CSMD3: variants seen among roughly 807,000 people sequenced by gnomAD.
The protein encoded by CSMD3 is CUB and sushi domain-containing protein 3.
CSMD3 carries 177 observed loss-of-function variants against 435.2 expected under a neutral mutation model. The ratio of observed to expected loss-of-function variants is 0.41; its 90% CI spans 0.36 to 0.46. The LOEUF (loss-of-function observed/expected upper bound fraction) is 0.46, where lower values mean the gene tolerates loss of function less well. CSMD3 is among the 20% of genes least tolerant of loss of function. The pLI is 0.34. For missense variants in CSMD3, 4,265 were observed against 4,504.6 expected, an observed-to-expected ratio of 0.95 and a Z score of 1.52; for synonymous variants, 1,656 against 1,520.5, an observed-to-expected ratio of 1.09 and a Z score of -2.07.
intron 1 of CSMD3, among the ~76,000 whole-genome samples, chr8:113,409,684 T>A (rs1274157253): frequency 6.6e-6 from 1 of 152,212 alleles, no homozygotes; most frequent in African/African-American, 2.4e-5. Context: ...AGCCTTAATA[T>A]TGACGGCAGT....
At chr8:112,807,758 C>T (rs2079127107) in intron 12 of CSMD3, among the ~76,000 whole-genome samples, 1 of 152,086 alleles carries the variant, frequency 6.6e-6, no homozygotes, top group Non-Finnish European at 1.5e-5. Flanking sequence ...GCTGCAAAAG[C>T]AACTGTTAAA....
intron 1 of CSMD3, among the ~76,000 whole-genome samples, chr8:113,342,082 GAA>G (rs796499556): frequency 7.1e-6 from 1 of 140,968 alleles, no homozygotes; most frequent in African/African-American, 2.6e-5. Flanking sequence ...AGATTAAAAA[GAA>G]AAAAAAAACA....
intron 31 of CSMD3, among the ~76,000 whole-genome samples, chr8:112,489,183 C>G (rs1462455673): frequency 1.3e-5 from 2 of 151,956 alleles, no homozygotes; most frequent in Non-Finnish European, 2.9e-5. Flanking sequence ...TGTGGGAGGC[C>G]AAGGCGGGAG....
chr8:112,766,029 C>G (rs2077970186), intron 13 of CSMD3, among the ~76,000 whole-genome samples: 1 of 151,674 alleles, frequency 6.6e-6, no homozygotes, highest in Non-Finnish European at 1.5e-5. Context: ...TTCCTTTAGC[C>G]TTTCCCTCAC....
intron 50 of CSMD3, among the ~76,000 whole-genome samples, chr8:112,308,194 C>T (rs1349109743): frequency 1.3e-5 from 2 of 151,970 alleles, no homozygotes; most frequent in East Asian, 1.9e-4. Context: ...TAAATGGTTC[C>T]CTGATGTCTG....
intron 9 of CSMD3, among the ~76,000 whole-genome samples, chr8:112,938,532 T>C (rs1402517168): frequency 6.6e-6 from 1 of 152,190 alleles, no homozygotes; most frequent in Non-Finnish European, 1.5e-5. Context: ...CAGAATCTTA[T>C]TTTAGGAAGC....
chr8:113,408,529 C>T (rs1261712595), intron 1 of CSMD3, among the ~76,000 whole-genome samples: 1 of 151,748 alleles, frequency 6.6e-6, no homozygotes, highest in African/African-American at 2.4e-5. Context: ...ATAGTTTTTG[C>T]ATAAGTGAAG....
intron 35 of CSMD3, among the ~76,000 whole-genome samples, chr8:112,406,197 T>G (rs1015643939): frequency 6.6e-6 from 1 of 152,026 alleles, no homozygotes; most frequent in South Asian, 2.1e-4. Context: ...AATAAAAGGA[T>G]AGTAGTCCTT....
At chr8:112,869,186 T>A (rs868161785) in intron 10 of CSMD3, among the ~76,000 whole-genome samples, 26 of 152,176 alleles carry the variant, frequency 1.7e-4, no homozygotes, top group Admixed American at 1.5e-3. Flanking sequence ...TTTTAAAATG[T>A]GAATTTATTT....
intron 70 of CSMD3, among the ~76,000 whole-genome samples, chr8:112,227,624 T>C (rs559459030): frequency 4.6e-5 from 7 of 152,326 alleles, no homozygotes; most frequent in South Asian, 4.1e-4. Flanking sequence ...ATAAATTTAG[T>C]GATGATTATT....
At chr8:112,755,480 C>T (rs1363622644) in intron 13 of CSMD3, among the ~76,000 whole-genome samples, 1 of 151,480 alleles carries the variant, frequency 6.6e-6, no homozygotes, top group Admixed American at 6.6e-5. Flanking sequence ...TCCTTGCTGC[C>T]GCCATTTGAA....
chr8:113,197,486 T>C (rs1166289384), intron 3 of CSMD3, among the ~76,000 whole-genome samples: 3 of 151,166 alleles, frequency 2.0e-5, no homozygotes, highest in African/African-American at 4.8e-5. Flanking sequence ...AGTTAAGCCA[T>C]GTTAAAAAGT....
At chr8:112,831,308 G>A (rs1587422081) in intron 11 of CSMD3, among the ~76,000 whole-genome samples, 1 of 137,574 alleles carries the variant, frequency 7.3e-6, no homozygotes, top group African/African-American at 2.7e-5. Context: ...GACTTAGATT[G>A]TTTCCCATTT....
At chr8:112,361,942 G>A (rs1490333611) in intron 38 of CSMD3, among the ~76,000 whole-genome samples, 1 of 151,590 alleles carries the variant, frequency 6.6e-6, no homozygotes, top group African/African-American at 2.4e-5. Flanking sequence ...TCTCTAAATT[G>A]TGGATACAAG....
intron 3 of CSMD3, among the ~76,000 whole-genome samples, chr8:113,186,010 A>T (rs534155545): frequency 6.6e-6 from 1 of 151,986 alleles, no homozygotes; most frequent in South Asian, 2.1e-4. Context: ...TATTGACATT[A>T]TGTGCCTGAG....
intron 1 of CSMD3, among the ~76,000 whole-genome samples, chr8:113,397,370 T>C (rs1384416260): frequency 1.3e-5 from 2 of 152,226 alleles, no homozygotes; most frequent in Non-Finnish European, 2.9e-5. Context: ...ATTTGTCTAA[T>C]GTTTTTGTCT....
intron 4 of CSMD3, among the ~76,000 whole-genome samples, chr8:113,163,579 A>G (rs2092088223): frequency 1.3e-5 from 2 of 152,154 alleles, no homozygotes; most frequent in South Asian, 4.1e-4. Flanking sequence ...TAAATATTAA[A>G]CTGTAGAAAA....
chr8:112,940,311 A>C (rs1356754847), intron 9 of CSMD3, among the ~76,000 whole-genome samples: 1 of 151,746 alleles, frequency 6.6e-6, no homozygotes, highest in Non-Finnish European at 1.5e-5. Context: ...CTCTCAAGAG[A>C]AGCCCAAATT....
chr8:112,266,753 T>C (rs1180047248), intron 59 of CSMD3, among the ~76,000 whole-genome samples: 26 of 152,138 alleles, frequency 1.7e-4, no homozygotes, highest in Non-Finnish European at 8.8e-5. Context: ...AATACAAACA[T>C]AAGATTCAAA....
Sources: allele counts gnomAD v4.1 joint callset (sites outside exome capture counted in the v4.1 genomes callset), GRCh38; gene constraint gnomAD v4.1.1; transcripts MANE v1.5; gene names NCBI Gene and HGNC (gene_info 2026-07-23, HGNC 2026-07-21).